PTPRD: variants seen among roughly 807,000 people sequenced by gnomAD.
The protein encoded by PTPRD is protein tyrosine phosphatase receptor type D, also known as receptor-type tyrosine-protein phosphatase delta.
In PTPRD, 34 loss-of-function variants were observed where a neutral mutation model predicts 214.5. That is an observed-to-expected ratio of 0.16 (90% CI 0.12 to 0.21). PTPRD has a LOEUF of 0.21. Ranked by LOEUF, PTPRD falls within the 10% of genes least tolerant of loss-of-function variation. The pLI is 1.00. For missense variants in PTPRD, 2,545 were observed against 2,398.7 expected (o/e 1.06, Z -1.27); for synonymous variants, 1,128 against 845.7 (o/e 1.33, Z -5.79).
At chr9:9,909,569 G>A (rs567902834) in intron 5 of PTPRD, among the ~76,000 whole-genome samples, 5 of 151,822 alleles carry the variant, frequency 3.3e-5, no homozygotes, top group Non-Finnish European at 7.4e-5. Context: ...CACTATCTTA[G>A]ACATCACTGT....
chr9:8,848,313 C>CTCTT (rs1338928285), intron 11 of PTPRD, among the ~76,000 whole-genome samples: 37 of 132,660 alleles, frequency 2.8e-4, no homozygotes, highest in African/African-American at 6.4e-4. Flanking sequence ...AAGATTTTTC[C>CTCTT]TTTTTTTTTT....
At chr9:9,321,912 G>C (rs1322917647) in intron 9 of PTPRD, among the ~76,000 whole-genome samples, 1 of 152,130 alleles carries the variant, frequency 6.6e-6, no homozygotes, top group African/African-American at 2.4e-5. Flanking sequence ...ACTTGATTTT[G>C]ATTGAGGTAC....
chr9:8,452,629 G>C (rs1004328158), intron 33 of PTPRD, among the ~76,000 whole-genome samples: 1 of 152,006 alleles, frequency 6.6e-6, no homozygotes, highest in Non-Finnish European at 1.5e-5. Context: ...ATGTTAGTGC[G>C]AGTTTATTTC....
intron 11 of PTPRD, among the ~76,000 whole-genome samples, chr9:8,942,613 A>G (rs1229628827): frequency 6.6e-6 from 1 of 152,170 alleles, no homozygotes; most frequent in African/African-American, 2.4e-5. Context: ...TTATTAAAAG[A>G]CTTCCAATTT....
chr9:8,394,418 T>G (rs1188939700), intron 36 of PTPRD, among the ~76,000 whole-genome samples: 1 of 152,136 alleles, frequency 6.6e-6, no homozygotes, highest in Non-Finnish European at 1.5e-5. Context: ...CACATTACAC[T>G]GTAGGTAAAG....
intron 6 of PTPRD, among the ~76,000 whole-genome samples, chr9:9,742,819 A>C (rs183991846): frequency 6.6e-6 from 1 of 152,182 alleles, no homozygotes; most frequent in Non-Finnish European, 1.5e-5. Flanking sequence ...TTCAAATGAC[A>C]TATCTGTGGG....
intron 11 of PTPRD, among the ~76,000 whole-genome samples, chr9:8,992,494 A>C (rs200304392): frequency 6.6e-6 from 1 of 152,296 alleles, no homozygotes; most frequent in South Asian, 2.1e-4. Flanking sequence ...AGAGAATGTC[A>C]CTGTAAGACC....
At chr9:8,536,920 G>A (rs1378225007) in intron 14 of PTPRD, among the ~76,000 whole-genome samples, 1 of 152,016 alleles carries the variant, frequency 6.6e-6, no homozygotes, top group Non-Finnish European at 1.5e-5. Context: ...GTCGAACAAT[G>A]AGTTTTCAAG....
chr9:9,946,669 G>C (rs575525416), intron 4 of PTPRD, among the ~76,000 whole-genome samples: 1 of 152,156 alleles, frequency 6.6e-6, no homozygotes, highest in Admixed American at 6.5e-5. Context: ...GCTTCTGGGA[G>C]AACAGCTTGA....
chr9:9,012,418 T>C (rs992071592), intron 11 of PTPRD, among the ~76,000 whole-genome samples: 10 of 152,128 alleles, frequency 6.6e-5, no homozygotes, highest in Non-Finnish European at 1.2e-4. Flanking sequence ...TTAATAAACA[T>C]TGACTGAGTG....
At chr9:8,783,228 A>C (rs918380170) in intron 11 of PTPRD, among the ~76,000 whole-genome samples, 2 of 152,206 alleles carry the variant, frequency 1.3e-5, no homozygotes, top group African/African-American at 4.8e-5. Context: ...GTAATTATAT[A>C]AAAAAGTTGT....
At chr9:10,111,288 G>C (rs2098689660) in intron 3 of PTPRD, among the ~76,000 whole-genome samples, 2 of 132,550 alleles carry the variant, frequency 1.5e-5, no homozygotes, top group South Asian at 4.9e-4. Flanking sequence ...GCCCAGGCTG[G>C]AGTGCAGTGG....
chr9:8,499,518 T>A (rs1210909456), intron 25 of PTPRD, 129 bp downstream of exon 25: 3 of 881,656 alleles, frequency 3.4e-6, no homozygotes, highest in East Asian at 5.3e-5. Flanking sequence ...TACATCAATG[T>A]GAAATGAAAA....
intron 9 of PTPRD, among the ~76,000 whole-genome samples, chr9:9,221,745 A>T (rs2099956205): frequency 6.6e-6 from 1 of 152,044 alleles, no homozygotes; most frequent in Non-Finnish European, 1.5e-5. Flanking sequence ...ACTTTGGAGG[A>T]CCAGAATTCT....
At chr9:10,122,958 T>G (rs915670224) in intron 3 of PTPRD, among the ~76,000 whole-genome samples, 17 of 152,232 alleles carry the variant, frequency 1.1e-4, no homozygotes, top group African/African-American at 3.9e-4. Context: ...AGAGCTGCCT[T>G]TAAGCGGCCC....
intron 8 of PTPRD, among the ~76,000 whole-genome samples, chr9:9,523,771 T>A (rs1738957008): frequency 1.3e-5 from 2 of 152,190 alleles, no homozygotes; most frequent in South Asian, 4.1e-4. Context: ...ACTCCTACTC[T>A]GCTTTTCTCT....
rs1358497787 is a variant in PTPRD at position 10,018,743 on chromosome 9, G to T, written c.-472+14975C>A. On this transcript the variant is annotated intron_variant, in intron 4 of 45. Transcript: ENST00000381196. The stretch of plus-strand genomic sequence containing the variant: ...TTTTTGTATTTTTAGTAGAGACGGG[G>T]TTTCACCGTTTTAGCCGGGATGGTC... Among the ~76,000 whole-genome samples the T allele has an allele frequency of 7.9e-4, 119 of 150,228 alleles. 1 individual carries two copies. Among genetic ancestry groups the T allele is most frequent in the Non-Finnish European group, 1.2e-3 (80 of 67,478 alleles).
At chr9:9,441,636 T>C (rs2087867026) in intron 8 of PTPRD, among the ~76,000 whole-genome samples, 1 of 152,148 alleles carries the variant, frequency 6.6e-6, no homozygotes, top group Non-Finnish European at 1.5e-5. Flanking sequence ...AGGCTATCAA[T>C]ATAACATGTT....
At chr9:9,783,819 GTTTT>G (rs71485303) in intron 5 of PTPRD, among the ~76,000 whole-genome samples, 4 of 137,476 alleles carry the variant, frequency 2.9e-5, no homozygotes, top group South Asian at 2.3e-4. Flanking sequence ...CTCCTGCTTC[GTTTT>G]TTTTTTTTTT....
Sources: gnomAD v4.1 joint callset for allele counts (sites outside exome capture counted in the v4.1 genomes callset) on GRCh38, gnomAD v4.1.1 for gene constraint, MANE v1.5 for transcripts, NCBI Gene and HGNC (gene_info 2026-07-23, HGNC 2026-07-21) for gene names.